The following PPP2R3A variants were observed in gnomAD, a reference collection of about 807,000 sequenced individuals.
PPP2R3A encodes protein phosphatase 2 regulatory subunit B''alpha.
PPP2R3A carries 80 observed loss-of-function variants against 106.9 expected under a neutral mutation model. That is an observed-to-expected ratio of 0.75 (90% confidence interval 0.62 to 0.90). The LOEUF (loss-of-function observed/expected upper bound fraction) is 0.90. Among genes scored for constraint, PPP2R3A ranks in the 40% least tolerant of loss-of-function variants. The pLI is 0.00. For missense variants in PPP2R3A, 1,386 were observed against 1,350.4 expected (o/e 1.03, Z -0.41); for synonymous variants, 483 against 468.3 (o/e 1.03, Z -0.41).
chr3:136,055,258 T>C (rs1332780993), intron 5 of PPP2R3A: 2 of 833,974 alleles, frequency 2.4e-6, no homozygotes, highest in Non-Finnish European at 4.1e-6. Flanking sequence ...AAAAGAAACA[T>C]GAAGTACAAA....
intron 9 of PPP2R3A, among the ~76,000 whole-genome samples, chr3:136,090,102 T>C (rs1235174952): frequency 6.6e-6 from 1 of 152,232 alleles, no homozygotes; most frequent in Non-Finnish European, 1.5e-5. Context: ...TTCTTTCTCT[T>C]GCTTGATTGC....
chr3:136,116,339 G>A (rs1025648508), intron 13 of PPP2R3A, among the ~76,000 whole-genome samples: 2 of 151,994 alleles, frequency 1.3e-5, no homozygotes, highest in African/African-American at 4.8e-5. Flanking sequence ...ATCAACTAAC[G>A]GACAAAATAA....
intron 8 of PPP2R3A, among the ~76,000 whole-genome samples, chr3:136,083,481 G>A (rs979943135): frequency 6.6e-6 from 1 of 152,188 alleles, no homozygotes; most frequent in Non-Finnish European, 1.5e-5. Context: ...TCTCAGCCAT[G>A]TGGAACTATG....
chr3:135,968,352 T>G (rs1937149358), intron 1 of PPP2R3A, among the ~76,000 whole-genome samples: 1 of 152,204 alleles, frequency 6.6e-6, no homozygotes, highest in African/African-American at 2.4e-5. Flanking sequence ...TGATGTAGTT[T>G]GGAAACTGGG....
chr3:136,115,102 C>T (rs1937693347), intron 13 of PPP2R3A, among the ~76,000 whole-genome samples: 1 of 152,178 alleles, frequency 6.6e-6, no homozygotes, highest in African/African-American at 2.4e-5. Context: ...TCTGCAGCCT[C>T]CGCTGATGAT....
chr3:135,967,796 G>C (rs1937130484), intron 1 of PPP2R3A, among the ~76,000 whole-genome samples: 1 of 152,194 alleles, frequency 6.6e-6, no homozygotes, highest in Non-Finnish European at 1.5e-5. Flanking sequence ...TCTTTTGAGT[G>C]TTATCGTCCT....
chr3:136,109,477 C>T (rs1937563792), intron 13 of PPP2R3A, among the ~76,000 whole-genome samples: 1 of 152,106 alleles, frequency 6.6e-6, no homozygotes. Flanking sequence ...AAAAAACTGT[C>T]TTGATAACAT....
At position 136,002,392 on chromosome 3, in the gene PPP2R3A, G is replaced by T. The variant is rs1262347362; in HGVS notation, c.894G>T (p.Gln298His). ...AAAAGTTACCATTTGAATTCATGCA[G>T]TCTGGGAATAATGAGGCTCTAGATT... Reference protein sequence around the residue: ...YLKKLPFEFMQSGNNEALDLT... With the variant: ...YLKKLPFEFMHSGNNEALDLT... The change falls in exon 2 of 14, where the codon CAG becomes CAT. Residue 298 changes from glutamine to histidine, a missense_variant. Coordinates refer to ENST00000264977, the MANE Select transcript of PPP2R3A (RefSeq NM_002718.5). The T allele has an allele frequency of 1.9e-6, 3 of 1,613,950 alleles. No individual in the cohort carries two copies. Among genetic ancestry groups the T allele is most frequent in the South Asian group, 1.1e-5 (1 of 91,068 alleles).
intron 13 of PPP2R3A, among the ~76,000 whole-genome samples, chr3:136,122,795 A>G (rs1411005655): frequency 1.3e-5 from 2 of 152,204 alleles, no homozygotes; most frequent in African/African-American, 4.8e-5. Flanking sequence ...AAATTGTCAA[A>G]TCTCTCAATG....
intron 1 of PPP2R3A, among the ~76,000 whole-genome samples, chr3:135,986,915 T>C (rs1033821084): frequency 2.6e-4 from 39 of 152,212 alleles, no homozygotes; most frequent in Non-Finnish European, 3.8e-4. Flanking sequence ...TAAAACTTAT[T>C]TAAAGAGTTA....
At chr3:136,033,213 CCT>C (rs1327804671) in intron 3 of PPP2R3A, among the ~76,000 whole-genome samples, 8 of 152,204 alleles carry the variant, frequency 5.3e-5, no homozygotes, top group Admixed American at 1.3e-4. Flanking sequence ...TCCCTGCATC[CCT>C]GATATGAAAC....
At chr3:136,105,713 G>A (rs1388555385) in intron 12 of PPP2R3A, among the ~76,000 whole-genome samples, 2 of 152,160 alleles carry the variant, frequency 1.3e-5, no homozygotes, top group African/African-American at 4.8e-5. Flanking sequence ...TGTAATCCCA[G>A]CACTTTGGGA....
chr3:136,008,076 T>A (rs537081266), intron 2 of PPP2R3A, among the ~76,000 whole-genome samples: 2 of 152,372 alleles, frequency 1.3e-5, no homozygotes, highest in South Asian at 4.1e-4. Context: ...TAGTTTTATA[T>A]GCATATTTGA....
Position 136,102,037 on chromosome 3 carries a change from G to A in PPP2R3A, c.2958G>A (p.Val986=). The change falls in exon 11 of 14, where the codon GTG becomes GTA. Residue 986 remains valine (V), a synonymous_variant. Coordinates refer to ENST00000264977, the MANE Select transcript of PPP2R3A (RefSeq NM_002718.5). ...SIEYWFRCMD[V]DGDGVLSMYE... is the part of the protein sequence containing the mutation. ...AGTATTGGTTCCGCTGCATGGATGTGGATGGAGACGGTGTACTCTCCATGT... is the reference window on the plus strand; with the variant it reads ...AGTATTGGTTCCGCTGCATGGATGTAGATGGAGACGGTGTACTCTCCATGT... 1 of 1,614,032 alleles carries A rather than the reference G, an allele frequency of 6.2e-7. No individual in the cohort carries two copies. Among genetic ancestry groups the A allele is most frequent in the South Asian group, 1.1e-5 (1 of 91,068 alleles).
At chr3:136,008,476 C>T (rs982568123) in intron 2 of PPP2R3A, among the ~76,000 whole-genome samples, 31 of 152,156 alleles carry the variant, frequency 2.0e-4, no homozygotes, top group Admixed American at 2.6e-4. Flanking sequence ...TGGCTTCTGA[C>T]GTCAGGTACC....
chr3:136,124,252 G>A (rs535753079), intron 13 of PPP2R3A, among the ~76,000 whole-genome samples: 1 of 152,166 alleles, frequency 6.6e-6, no homozygotes, highest in African/African-American at 2.4e-5. Flanking sequence ...CACTCTGGGA[G>A]GACAAGTTGG....
In PPP2R3A at chr3:136,001,891, A is replaced by C. The variant is rs761488792; in HGVS notation, c.393A>C (p.Lys131Asn). 6.2e-7 allele frequency: 1 copy of C among 1,614,042 alleles called. No homozygotes were observed. The highest frequency in any genetic ancestry group is 8.5e-7 in the Non-Finnish European group (1 of 1,179,996). The change falls in exon 2 of 14, where the codon AAA becomes AAC. Residue 131 changes from lysine to asparagine, a missense_variant. Coordinates refer to ENST00000264977, the MANE Select transcript of PPP2R3A (RefSeq NM_002718.5). ...SGKIKEFSFEKLKNSNHAAYR... is the reference protein window; with the variant it reads ...SGKIKEFSFENLKNSNHAAYR... ...AAATAAAAGAATTTTCCTTTGAAAA[A>C]CTCAAAAACTCTAACCATGCAGCTT...
rs1933611652 is a variant in PPP2R3A at position 136,001,248 on chromosome 3, TACTA to T, written c.-249_-246del. On this transcript the variant is annotated 5_prime_UTR_variant, in exon 2 of 14. Coordinates refer to ENST00000264977, the MANE Select transcript of PPP2R3A (RefSeq NM_002718.5). ...AAATAATTCTGCAGTATCATAATAT[TACTA>T]AATAAAATTAAAAAGCACAATTATT... 1 of 482,716 alleles carries T rather than the reference TACTA, an allele frequency of 2.1e-6. No individual in the cohort carries two copies. The highest frequency in any genetic ancestry group is 3.7e-5 in the Admixed American group (1 of 26,694). 29.9% of individuals were successfully genotyped at this position (482,716 alleles called of 1,614,324 possible).
chr3:136,063,076 T>C (rs1005678454), intron 5 of PPP2R3A, among the ~76,000 whole-genome samples: 2 of 152,140 alleles, frequency 1.3e-5, no homozygotes, highest in Admixed American at 6.5e-5. Flanking sequence ...AACAGAGATA[T>C]AGACCAATGG....
Sources: allele counts gnomAD v4.1 joint callset (sites outside exome capture counted in the v4.1 genomes callset), GRCh38; gene constraint gnomAD v4.1.1; transcripts MANE v1.5; gene names NCBI Gene and HGNC (gene_info 2026-07-23, HGNC 2026-07-21).